The following AKAP9 variants were observed in gnomAD, a reference collection of about 807,000 sequenced individuals.
The protein encoded by AKAP9 is A-kinase anchoring protein 9, also known as A-kinase anchor protein 9.
A neutral mutation model predicts 488.5 loss-of-function variants in AKAP9; 311 were observed. The observed-to-expected ratio is 0.64, with a 90% confidence interval of 0.58 to 0.70. AKAP9 has a LOEUF of 0.70. Among genes scored for constraint, AKAP9 ranks in the 30% least tolerant of loss-of-function variants. AKAP9 has a pLI of 0.00. For synonymous variants in AKAP9, 1,462 were observed against 1,483.5 expected (o/e 0.99, Z 0.33); for missense variants, 4,215 against 4,374.5 (o/e 0.96, Z 1.03).
intron 16 of AKAP9, among the ~76,000 whole-genome samples, chr7:92,034,164 G>A (rs1466823099): frequency 6.6e-6 from 1 of 152,154 alleles, no homozygotes; most frequent in Non-Finnish European, 1.5e-5. Context: ...AAAGAAATAT[G>A]AAAGGGAAAG....
intron 7 of AKAP9, among the ~76,000 whole-genome samples, chr7:91,996,438 G>A (rs1798416868): frequency 6.6e-6 from 1 of 152,144 alleles, no homozygotes. Flanking sequence ...ACTAACAGGT[G>A]TCAGACTGGG....
chr7:92,083,702 T>TAAA, intron 33 of AKAP9, 47 bp downstream of exon 33: 1 of 1,428,008 alleles, frequency 7.0e-7, no homozygotes, highest in Non-Finnish European at 9.5e-7. Context: ...TGTGGTTTTT[T>TAAA]AAAAAAAAAA....
intron 28 of AKAP9, among the ~76,000 whole-genome samples, chr7:92,074,395 C>T (rs1042966101): frequency 4.6e-5 from 7 of 152,132 alleles, no homozygotes; most frequent in African/African-American, 9.7e-5. Context: ...GAAATAGGAA[C>T]ACCTTTACAC....
At chr7:91,981,283 G>A (rs1468858676) in intron 3 of AKAP9, among the ~76,000 whole-genome samples, 6 of 152,078 alleles carry the variant, frequency 3.9e-5, no homozygotes, top group Admixed American at 2.6e-4. Context: ...CCTGGGTTCT[G>A]CATTTGAGGG....
At chr7:91,959,614 C>T (rs1190352893) in intron 1 of AKAP9, among the ~76,000 whole-genome samples, 2 of 152,262 alleles carry the variant, frequency 1.3e-5, no homozygotes, top group South Asian at 2.1e-4. Flanking sequence ...ACATTTGTGT[C>T]TACTATGTGG....
chr7:92,099,622 C>CA, intron 43 of AKAP9, 65 bp from the exon 44 acceptor site: 1 of 1,503,286 alleles, frequency 6.7e-7, no homozygotes, highest in South Asian at 1.1e-5. Context: ...TGCCTATTCA[C>CA]ACTTTATATG....
intron 38 of AKAP9, 92 bp from the exon 39 acceptor site, chr7:92,093,005 C>A: frequency 8.9e-7 from 1 of 1,124,362 alleles, no homozygotes; most frequent in East Asian, 2.5e-5. Context: ...AAGTAATCTC[C>A]TTAACTACAA....
At chr7:92,063,526 A>G (rs1810258825) in intron 24 of AKAP9, 2 of 984,056 alleles carry the variant, frequency 2.0e-6, no homozygotes, top group South Asian at 4.7e-5. Context: ...TGCATGGCCA[A>G]TGTTTGGGTG....
intron 1 of AKAP9, among the ~76,000 whole-genome samples, chr7:91,942,367 C>G (rs1013448511): frequency 3.3e-5 from 5 of 152,158 alleles, no homozygotes; most frequent in Non-Finnish European, 5.9e-5. Context: ...CTATAAGCTC[C>G]CTCTATTTAA....
At chr7:91,995,291 G>C (rs1798250898) in intron 6 of AKAP9, among the ~76,000 whole-genome samples, 1 of 152,198 alleles carries the variant, frequency 6.6e-6, no homozygotes, top group South Asian at 2.1e-4. Context: ...ATACAACCAG[G>C]CCTCTGAAAG....
chr7:92,009,742 G>C (rs1248298414), intron 8 of AKAP9, among the ~76,000 whole-genome samples: 2 of 152,042 alleles, frequency 1.3e-5, no homozygotes, highest in African/African-American at 4.8e-5. Context: ...ACTTATGAGT[G>C]GCTGTAGAAA....
At chr7:91,989,347 T>C (rs1797490710) in intron 3 of AKAP9, among the ~76,000 whole-genome samples, 2 of 152,198 alleles carry the variant, frequency 1.3e-5, no homozygotes, top group African/African-American at 4.8e-5. Context: ...TGTATCCTAT[T>C]ATGTACACTA....
intron 16 of AKAP9, among the ~76,000 whole-genome samples, chr7:92,037,307 A>T (rs1376826324): frequency 6.6e-6 from 1 of 152,176 alleles, no homozygotes; most frequent in Admixed American, 6.6e-5. Flanking sequence ...AATTACTCCA[A>T]AGGAGGCTAG....
chr7:91,970,283 G>C (rs1276620432), intron 1 of AKAP9, among the ~76,000 whole-genome samples: 1 of 152,036 alleles, frequency 6.6e-6, no homozygotes, highest in Non-Finnish European at 1.5e-5. Context: ...CCTATTTCTT[G>C]ATAGGATGCT....
At chr7:92,108,975 A>G (rs1017666393) in intron 49 of AKAP9, 2 of 412,680 alleles carry the variant, frequency 4.8e-6, no homozygotes, top group Non-Finnish European at 9.1e-6. Flanking sequence ...ATTCCTAAGT[A>G]GCGCATGGCA....
chr7:92,083,718 G>A (rs1274949703), intron 33 of AKAP9, 63 bp downstream of exon 33: 1 of 1,523,380 alleles, frequency 6.6e-7, no homozygotes, highest in South Asian at 1.2e-5. Flanking sequence ...AAAAAAATCA[G>A]TTTAATTCAT....
At chr7:92,023,054 G>C (rs745587107) in intron 14 of AKAP9, 45 bp downstream of exon 14, 11 of 1,571,980 alleles carry the variant, frequency 7.0e-6, no homozygotes, top group Non-Finnish European at 8.8e-6. Context: ...TTGTAGCTTT[G>C]TAACAATTAT....
At chr7:91,985,120 G>A (rs1279027210) in intron 3 of AKAP9, among the ~76,000 whole-genome samples, 1 of 152,144 alleles carries the variant, frequency 6.6e-6, no homozygotes, top group Admixed American at 6.5e-5. Flanking sequence ...TCTCTTGTCT[G>A]ATTGCCCTGG....
chr7:91,981,144 C>T (rs930245981), intron 3 of AKAP9, among the ~76,000 whole-genome samples: 24 of 152,108 alleles, frequency 1.6e-4, no homozygotes, highest in African/African-American at 5.3e-4. Flanking sequence ...ATTAAATAAA[C>T]ACATTGGTGC....
Sources: allele counts gnomAD v4.1 joint callset (sites outside exome capture counted in the v4.1 genomes callset), GRCh38; gene constraint gnomAD v4.1.1; transcripts MANE v1.5; gene names NCBI Gene and HGNC (gene_info 2026-07-23, HGNC 2026-07-21).